The following HBS1L variants were observed in gnomAD, a reference collection of about 807,000 sequenced individuals.
HBS1L encodes HBS1 like translational GTPase, also known as HBS1-like protein.
Under a neutral mutation model 88.9 loss-of-function variants are expected in HBS1L, and 55 were observed. The ratio of observed to expected loss-of-function variants is 0.62; its 90% CI spans 0.50 to 0.77. HBS1L has a LOEUF of 0.77. Among genes scored for constraint, HBS1L ranks in the 30% least tolerant of loss-of-function variants. HBS1L has a pLI of 0.00. For synonymous variants in HBS1L, 267 were observed against 288.5 expected, an observed-to-expected ratio of 0.93 and a Z score of 0.76; for missense variants, 741 against 829.3, an observed-to-expected ratio of 0.89 and a Z score of 1.31.
intron 4 of HBS1L, among the ~76,000 whole-genome samples, chr6:135,025,456 T>C (rs1776200339): frequency 6.6e-6 from 1 of 151,774 alleles, no homozygotes; most frequent in African/African-American, 2.4e-5. Context: ...ATAAAAACCT[T>C]CTGAAGAGAA....
rs142869567 is a variant in HBS1L, at chr6:135,027,811, G to A, written c.430+11762C>T. 3.9e-3 allele frequency among the ~76,000 whole-genome samples: 587 copies of A among 149,964 alleles called. 4 individuals carry two copies. The highest frequency in any genetic ancestry group is 0.012 in the African/African-American group (509 of 40,820). ...TTGAGACAGTCTCACTCTGTCGCCC[G>A]GGCTGGAGTGCATTAGCACAATCTT... is the stretch of plus-strand genomic sequence containing the variant. On this transcript the variant is annotated intron_variant, in intron 4 of 17. Transcript: ENST00000367837.
chr6:135,029,429 T>C (rs1776326051), intron 4 of HBS1L, among the ~76,000 whole-genome samples: 1 of 151,644 alleles, frequency 6.6e-6, no homozygotes, highest in East Asian at 1.9e-4. Context: ...AAATGAGAGA[T>C]AAACCAGCAG....
chr6:135,041,355 CT>C (rs1163233159), intron 3 of HBS1L, among the ~76,000 whole-genome samples: 7 of 151,216 alleles, frequency 4.6e-5, no homozygotes, highest in African/African-American at 1.7e-4. Context: ...AGGGCCTCCT[CT>C]TTTTTATTTA....
chr6:135,054,571 G>A, intron 1 of HBS1L, 78 bp downstream of exon 1: 1 of 1,529,162 alleles, frequency 6.5e-7, no homozygotes, highest in South Asian at 1.1e-5. Flanking sequence ...GAAACTCACA[G>A]ATTGAAGTGG....
At chr6:134,985,280 G>C in intron 12 of HBS1L, 61 bp downstream of exon 12, 3 of 1,065,444 alleles carry the variant, frequency 2.8e-6, no homozygotes, top group Non-Finnish European at 4.2e-6. Context: ...CAGGAAAGGA[G>C]GTTAGGAGGG....
intron 9 of HBS1L, among the ~76,000 whole-genome samples, 161 bp downstream of exon 9, chr6:134,987,484 T>C (rs926386135): frequency 1.3e-5 from 2 of 152,176 alleles, no homozygotes; most frequent in African/African-American, 4.8e-5. Context: ...ACTTAAAAAT[T>C]ACTAACACCT....
In HBS1L at chr6:134,962,419, T is replaced by C. The variant is rs1037804469; in HGVS notation, c.*2860A>G. The C allele has an allele frequency of 1.3e-5, 2 of 152,204 alleles. No individual in the cohort carries two copies. The highest frequency in any genetic ancestry group is 2.9e-5 in the Non-Finnish European group (2 of 68,028). The allele number at this position is 152,204 out of a possible 1,614,324, so 9.4% of individuals were successfully genotyped here. On this transcript the variant is annotated 3_prime_UTR_variant, in exon 18 of 18. Coordinates refer to ENST00000367837, the MANE Select transcript of HBS1L (RefSeq NM_006620.4). ...CAGAACTGTGGGTTAATTTTATTCT[T>C]CCCTATATTTTCTGTATTTTCCAAA...
intron 4 of HBS1L, chr6:135,036,579 T>C (rs1776555802): frequency 1.3e-6 from 2 of 1,497,130 alleles, no homozygotes; most frequent in Non-Finnish European, 8.9e-7. Flanking sequence ...TAAATGCTTT[T>C]TTTTGATTAG....
intron 4 of HBS1L, chr6:135,037,414 T>C (rs1419378956): frequency 3.2e-6 from 5 of 1,550,056 alleles, no homozygotes; most frequent in Non-Finnish European, 4.4e-6. Context: ...TAAAGAAACA[T>C]TTCCAACTTC....
intron 8 of HBS1L, among the ~76,000 whole-genome samples, chr6:134,989,848 A>G (rs1285179551): frequency 6.6e-6 from 1 of 152,198 alleles, no homozygotes; most frequent in Non-Finnish European, 1.5e-5. Flanking sequence ...ATAAGCATAC[A>G]AACTGAAGCA....
At chr6:134,993,595 C>T (rs1417790687) in intron 8 of HBS1L, among the ~76,000 whole-genome samples, 163 bp downstream of exon 8, 2 of 152,050 alleles carry the variant, frequency 1.3e-5, no homozygotes, top group African/African-American at 2.4e-5. Flanking sequence ...GTAGAAAGAT[C>T]ATGAAAAATA....
chr6:135,013,338 A>G (rs1273566284), intron 4 of HBS1L, among the ~76,000 whole-genome samples: 1 of 152,284 alleles, frequency 6.6e-6, no homozygotes, highest in Non-Finnish European at 1.5e-5. Context: ...CAGGACATTT[A>G]CAAACACAAA....
chr6:135,020,760 A>G (rs1366564526), intron 4 of HBS1L, among the ~76,000 whole-genome samples: 1 of 152,014 alleles, frequency 6.6e-6, no homozygotes, highest in African/African-American at 2.4e-5. Flanking sequence ...CATATCTTTT[A>G]TATAATAAAT....
At chr6:135,052,695 A>G (rs2114934896) in intron 1 of HBS1L, among the ~76,000 whole-genome samples, 1 of 152,332 alleles carries the variant, frequency 6.6e-6, no homozygotes, top group South Asian at 2.1e-4. Context: ...CTTTCCTGCA[A>G]TCTTCATAGT....
intron 4 of HBS1L, among the ~76,000 whole-genome samples, chr6:135,004,926 T>C (rs1562292216): frequency 6.6e-6 from 1 of 152,022 alleles, no homozygotes; most frequent in Non-Finnish European, 1.5e-5. Flanking sequence ...TAGGAGGCCT[T>C]GGAAGAACTC....
Position 134,966,482 on chromosome 6 carries a change from A to G in HBS1L, c.1899-9T>C, listed in dbSNP as rs1774319568. The stretch of plus-strand genomic sequence containing the variant: ...GGCCTTTAGTCAAAAACCTATTAAG[A>G]AAAAAAAAGAACAAATGAATATATG... On this transcript the variant is annotated splice_polypyrimidine_tract_variant and intron_variant, in intron 16 of 17. Coordinates refer to ENST00000367837, the MANE Select transcript of HBS1L (RefSeq NM_006620.4). 1 of 1,525,434 alleles carries G rather than the reference A, an allele frequency of 6.6e-7. No individual in the cohort carries two copies. Among genetic ancestry groups the G allele is most frequent in the South Asian group, 1.3e-5 (1 of 78,794 alleles). The allele number at this position is 1,525,434 out of a possible 1,614,324, so 94.5% of individuals were successfully genotyped here. A position where few individuals can be genotyped will look rare whatever the true frequency, so the allele number is the denominator to read the frequency against.
In HBS1L at chr6:134,975,430, A is replaced by T. The variant is rs189133853; in HGVS notation, c.1797+3249T>A. On this transcript the variant is annotated intron_variant, in intron 15 of 17. Transcript: ENST00000367837. ...AATCCTAAAATTCATATGGAACCCA[A>T]AAAGAGCCCAATTAGCCAAAGCAGT... Among the ~76,000 whole-genome samples, 982 of 152,290 alleles carry T rather than the reference A, an allele frequency of 6.4e-3. 7 individuals carry two copies. Among genetic ancestry groups the T allele is most frequent in the Middle Eastern group, 0.017 (5 of 294 alleles).
rs11549504 is a variant in HBS1L at position 134,965,092 on chromosome 6, T to G, written c.*187A>C. ...TTTAACATTAGACTTTCTTTGCCAG[T>G]TGGCAACTTAGAATTTTTGCAGAGG... On this transcript the variant is annotated 3_prime_UTR_variant, in exon 18 of 18. Transcript: ENST00000367837. 3.2e-5 allele frequency: 19 copies of G among 597,020 alleles called. No individual in the cohort carries two copies. Among genetic ancestry groups the G allele is most frequent in the African/African-American group, 1.9e-5 (1 of 51,868 alleles). 37.0% of individuals were successfully genotyped at this position (597,020 alleles called of 1,614,324 possible). A position where few individuals can be genotyped will look rare whatever the true frequency, so the allele number is the denominator to read the frequency against.
chr6:134,989,857 C>T (rs990352889), intron 8 of HBS1L, among the ~76,000 whole-genome samples: 1 of 152,146 alleles, frequency 6.6e-6, no homozygotes. Flanking sequence ...CAAACTGAAG[C>T]AATCAATTTG....
Sources: gnomAD v4.1 joint callset for allele counts (sites outside exome capture counted in the v4.1 genomes callset) on GRCh38, gnomAD v4.1.1 for gene constraint, MANE v1.5 for transcripts, NCBI Gene and HGNC (gene_info 2026-07-23, HGNC 2026-07-21) for gene names.